The following WASF3 variants were observed in gnomAD, a reference collection of about 807,000 sequenced individuals.
WASF3 encodes the protein actin-binding protein WASF3.
WASF3 carries 11 observed loss-of-function variants against 46.6 expected under a neutral mutation model. The observed-to-expected ratio is 0.24, with a 90% CI of 0.15 to 0.39. The LOEUF (loss-of-function observed/expected upper bound fraction) is 0.39, where lower values mean the gene tolerates loss of function less well. Ranked by LOEUF, WASF3 falls within the 10% of genes least tolerant of loss-of-function variation. The probability of loss-of-function intolerance (pLI) is 1.00; values close to 1 mark genes in which losing one functional copy is unlikely to be tolerated. For synonymous variants in WASF3, 242 were observed against 259.7 expected (o/e 0.93, Z 0.65); for missense variants, 576 against 669.8 (o/e 0.86, Z 1.55).
At chr13:26,652,210 C>T (rs1882333679) in intron 3 of WASF3, among the ~76,000 whole-genome samples, 1 of 152,016 alleles carries the variant, frequency 6.6e-6, no homozygotes, top group Non-Finnish European at 1.5e-5. Context: ...AAAAATATGC[C>T]CTGCAAACAC....
At chr13:26,605,509 CT>C (rs1880766799) in intron 1 of WASF3, among the ~76,000 whole-genome samples, 1 of 151,924 alleles carries the variant, frequency 6.6e-6, no homozygotes, top group South Asian at 2.1e-4. Context: ...TTTTAAACCT[CT>C]GCATTTGGGG....
chr13:26,544,726 G>C, the WASF3 span, among the ~76,000 whole-genome samples: 1 of 152,150 alleles, frequency 6.6e-6, no homozygotes, highest in Admixed American at 6.5e-5. Context: ...AGTCTGTTTG[G>C]TGAAGTCGGC....
At chr13:26,667,740 T>C (rs1259952395) in intron 5 of WASF3, 70 bp downstream of exon 5, 1 of 1,464,522 alleles carries the variant, frequency 6.8e-7, no homozygotes, top group Non-Finnish European at 9.3e-7. Context: ...GGGAGCAAGC[T>C]GATGCATTGT....
chr13:26,541,772 T>A, the WASF3 span, among the ~76,000 whole-genome samples: 1 of 151,958 alleles, frequency 6.6e-6, no homozygotes, highest in African/African-American at 2.4e-5. Context: ...CATGAGCCAC[T>A]GTGCCTGGCC....
chr13:26,627,733 G>A (rs1881512252), intron 2 of WASF3, among the ~76,000 whole-genome samples: 1 of 151,840 alleles, frequency 6.6e-6, no homozygotes, highest in Non-Finnish European at 1.5e-5. Flanking sequence ...AAGTATGTGT[G>A]TATGCACTTA....
chr13:26,555,055 G>T (rs944206455), upstream of WASF3, among the ~76,000 whole-genome samples: 3 of 152,124 alleles, frequency 2.0e-5, no homozygotes, highest in African/African-American at 7.2e-5. Context: ...GTATCCTTAG[G>T]TTTTTTGTTG....
chr13:26,594,377 T>A (rs925055475), intron 1 of WASF3, among the ~76,000 whole-genome samples: 7 of 152,242 alleles, frequency 4.6e-5, no homozygotes, highest in African/African-American at 1.7e-4. Context: ...TTTGCTGTTC[T>A]GTTCCCTTTT....
At chr13:26,552,194 A>G in the WASF3 span, among the ~76,000 whole-genome samples, 51 of 152,356 alleles carry the variant, frequency 3.3e-4, 1 homozygote, top group Admixed American at 2.6e-3. Context: ...TGGGGGAAAA[A>G]GACAATTTCT....
At chr13:26,579,824 G>A (rs971338840) in intron 1 of WASF3, among the ~76,000 whole-genome samples, 10 of 152,138 alleles carry the variant, frequency 6.6e-5, no homozygotes, top group Non-Finnish European at 1.3e-4. Flanking sequence ...GAATAAATGA[G>A]CTCAGAGAAA....
intron 3 of WASF3, among the ~76,000 whole-genome samples, chr13:26,658,761 A>T (rs1882539588): frequency 6.6e-6 from 1 of 152,210 alleles, no homozygotes; most frequent in Non-Finnish European, 1.5e-5. Flanking sequence ...TGAAGGCAAG[A>T]TTAGAGTTCC....
chr13:26,611,031 C>CTTTTT lies in WASF3; in HGVS notation c.-108-1914_-108-1910dup, dbSNP rs71080282. Among the ~76,000 whole-genome samples, 528 of 110,472 alleles carry CTTTTT rather than the reference C, an allele frequency of 4.8e-3. 8 individuals are homozygous for CTTTTT. The highest frequency in any genetic ancestry group is 7.0e-3 in the Non-Finnish European group (399 of 56,878). 72.5% of individuals were successfully genotyped at this position (110,472 alleles called of 152,430 possible). ...CAATGTAGATATTACTTACTTACTCCTTTTTTTTTTTTTTTTTTTTGGTAG... is the reference window on the plus strand; with the variant it reads ...CAATGTAGATATTACTTACTTACTCCTTTTTTTTTTTTTTTTTTTTTTTTTGGTAG... On this transcript the variant is annotated intron_variant, in intron 1 of 9. Transcript: ENST00000335327.
chr13:26,635,080 GT>G (rs1355245427), intron 2 of WASF3, among the ~76,000 whole-genome samples: 2 of 152,190 alleles, frequency 1.3e-5, no homozygotes, highest in Non-Finnish European at 2.9e-5. Flanking sequence ...CCTGAAAAGT[GT>G]TTTCCAACTT....
Position 26,682,740 on chromosome 13 carries a change from G to C in WASF3, c.1117G>C (p.Ala373Pro), listed in dbSNP as rs1160586201. The stretch of plus-strand genomic sequence containing the variant: ...GATGCCCATGCAGCCCCCGTTCCCT[G>C]CATCAGCCAGCTCCACGCACGCAGC... Reference protein sequence around the residue: ...LQMPMQPPFPASASSTHAAPP... With the variant: ...LQMPMQPPFPPSASSTHAAPP... The change falls in exon 9 of 10, where the codon GCA becomes CCA. Residue 373 changes from alanine (A) to proline (P), a missense_variant. Physicochemically the swap from Ala to Pro is conservative, Grantham distance 27. Coordinates refer to ENST00000335327, the MANE Select transcript of WASF3 (RefSeq NM_006646.6). This position sits in a 1 kb window ranked among gnomAD's most constrained non-coding sequence, Gnocchi z 4.4. 2 of 1,613,468 alleles carry C rather than the reference G, an allele frequency of 1.2e-6. No homozygotes were observed. Among genetic ancestry groups the C allele is most frequent in the African/African-American group, 2.7e-5 (2 of 74,864 alleles).
intron 2 of WASF3, among the ~76,000 whole-genome samples, chr13:26,625,083 T>A (rs76972334): frequency 0.015 from 2,359 of 152,274 alleles, 29 homozygotes; most frequent in Non-Finnish European, 0.025. Flanking sequence ...AGAATAAATA[T>A]GTTATATTTT....
intron 2 of WASF3, among the ~76,000 whole-genome samples, chr13:26,629,304 C>A (rs528610197): frequency 1.3e-5 from 2 of 152,184 alleles, no homozygotes; most frequent in Non-Finnish European, 2.9e-5. Flanking sequence ...ACCCACATGG[C>A]CTTTATCCAG....
At chr13:26,569,247 A>T (rs926939806) in intron 1 of WASF3, among the ~76,000 whole-genome samples, 3 of 146,620 alleles carry the variant, frequency 2.0e-5, no homozygotes, top group Non-Finnish European at 3.0e-5. Flanking sequence ...TGAACAAAAC[A>T]ATTAATAAAA....
intron 2 of WASF3, among the ~76,000 whole-genome samples, chr13:26,636,201 C>T (rs1341856290): frequency 6.6e-6 from 1 of 152,234 alleles, no homozygotes; most frequent in East Asian, 1.9e-4. Flanking sequence ...TGTTTACCTA[C>T]TCAAGCCTCA....
intron 2 of WASF3, among the ~76,000 whole-genome samples, chr13:26,630,830 T>C (rs555866873): frequency 6.6e-6 from 1 of 152,358 alleles, no homozygotes; most frequent in South Asian, 2.1e-4. Flanking sequence ...TGTTGTTTCC[T>C]GACTTTTTAA....
rs377750877 is a variant in WASF3 at position 26,683,214 on chromosome 13, G to A, written c.1351+240G>A. ...AGCCGGGCGCGGTGGGCTCATGCCT[G>A]TAATCCCAGCACTTTGGGAGGCCAA... On this transcript the variant is annotated intron_variant, in intron 9 of 9. Transcript: ENST00000335327. 2.6e-5 allele frequency among the ~76,000 whole-genome samples: 4 copies of A among 152,298 alleles called. No individual in the cohort carries two copies. In the East Asian group the frequency reaches 7.7e-4, roughly 29 times the overall value.
Sources: allele counts gnomAD v4.1 joint callset (sites outside exome capture counted in the v4.1 genomes callset), GRCh38; gene constraint gnomAD v4.1.1; non-coding constraint Gnocchi (gnomAD v3.1); transcripts MANE v1.5; gene names NCBI Gene and HGNC (gene_info 2026-07-23, HGNC 2026-07-21).